The following RASA1 variants were observed in gnomAD, a reference collection of about 807,000 sequenced individuals.
RASA1 encodes the protein ras GTPase-activating protein 1.
In RASA1, 25 loss-of-function variants were observed where a neutral mutation model predicts 132.2. That is an observed-to-expected ratio of 0.19 (90% CI 0.14 to 0.26). RASA1 has a LOEUF of 0.26. Among genes scored for constraint, RASA1 ranks in the 10% least tolerant of loss-of-function variants. The probability of loss-of-function intolerance (pLI) is 1.00; values close to 1 mark genes in which losing one functional copy is unlikely to be tolerated. For synonymous variants in RASA1, 477 were observed against 449.9 expected, an observed-to-expected ratio of 1.06 and a Z score of -0.76; for missense variants, 964 against 1,299.2, an observed-to-expected ratio of 0.74 and a Z score of 3.97.
chr5:87,313,794 TGAGA>T (rs1443511457), intron 1 of RASA1, among the ~76,000 whole-genome samples: 2 of 152,288 alleles, frequency 1.3e-5, no homozygotes, highest in African/African-American at 4.8e-5. Flanking sequence ...CACTGAAGAA[TGAGA>T]GAGATTTCTG....
chr5:87,351,929 A>G (rs1390261261), intron 8 of RASA1, among the ~76,000 whole-genome samples: 2 of 151,784 alleles, frequency 1.3e-5, no homozygotes, highest in African/African-American at 2.4e-5. Context: ...ACTGAGCCCA[A>G]AAACCTTTGA....
intron 1 of RASA1, among the ~76,000 whole-genome samples, chr5:87,298,946 AATTT>A (rs1244877305): frequency 1.3e-5 from 2 of 152,196 alleles, no homozygotes; most frequent in Admixed American, 6.5e-5. Flanking sequence ...ACAGTTAAAT[AATTT>A]GAGAACTTCT....
intron 1 of RASA1, among the ~76,000 whole-genome samples, chr5:87,278,909 C>CTTTTTTTTTTTTTTT (rs58122450): frequency 3.6e-5 from 3 of 83,996 alleles, no homozygotes; most frequent in East Asian, 3.9e-4. Flanking sequence ...CTAATTTGTT[C>CTTTTTTTTTTTTTTT]TTTTTTTTTT....
chr5:87,333,588 A>G (rs1055890718), intron 4 of RASA1, among the ~76,000 whole-genome samples: 1 of 152,216 alleles, frequency 6.6e-6, no homozygotes, highest in Admixed American at 6.5e-5. Flanking sequence ...TGTCTCTCAC[A>G]AAGTAAGGAG....
intron 23 of RASA1, among the ~76,000 whole-genome samples, chr5:87,388,665 T>G (rs956454960): frequency 6.6e-6 from 1 of 152,210 alleles, no homozygotes; most frequent in Non-Finnish European, 1.5e-5. Context: ...TAACACTGAT[T>G]ATTCCCACAC....
chr5:87,336,038 A>G (rs982290306), intron 4 of RASA1, among the ~76,000 whole-genome samples: 2 of 152,200 alleles, frequency 1.3e-5, no homozygotes, highest in African/African-American at 4.8e-5. Flanking sequence ...TCACAACTAC[A>G]TTCTTAGGTG....
At chr5:87,390,701 T>A (rs1580421858) in intron 24 of RASA1, 99 bp from the exon 25 acceptor site, 1 of 921,652 alleles carries the variant, frequency 1.1e-6, no homozygotes, top group Non-Finnish European at 1.8e-6. Flanking sequence ...ATTTTATGCA[T>A]CCTTTTGCTT....
rs562787600 is a variant in RASA1, at chr5:87,337,638, G to T, written c.900-336G>T. Among the ~76,000 whole-genome samples the T allele has an allele frequency of 2.9e-4, 44 of 152,108 alleles. No homozygotes were observed. In the Middle Eastern group the frequency reaches 0.017, roughly 59 times the overall value. On this transcript the variant is annotated intron_variant, in intron 4 of 24. Transcript: ENST00000274376. ...ATAAGTTTTTCAATTCAGTTTTCTT[G>T]TAGTTACACCCCAAAACCTTCAATA...
At position 87,334,964 on chromosome 5, in the gene RASA1, A is replaced by G. The variant is rs764048541; in HGVS notation, c.899+1627A>G. 3.9e-5 allele frequency among the ~76,000 whole-genome samples: 6 copies of G among 152,092 alleles called. No homozygotes were observed. In the South Asian group the frequency reaches 8.3e-4, roughly 21 times the overall value. ...AGTGGCACGATCTTGCCTCACTGCAATCTCCACCTCCTGGGTTCAAGGGAT... is the reference window on the plus strand; with the variant it reads ...AGTGGCACGATCTTGCCTCACTGCAGTCTCCACCTCCTGGGTTCAAGGGAT... On this transcript the variant is annotated intron_variant, in intron 4 of 24. Transcript: ENST00000274376.
At chr5:87,329,645 A>G (rs1220946268) in intron 1 of RASA1, among the ~76,000 whole-genome samples, 1 of 152,182 alleles carries the variant, frequency 6.6e-6, no homozygotes. Flanking sequence ...CATAACAGAA[A>G]TTTAACAAAT....
rs1204463886 is a variant in RASA1, at chr5:87,386,862, A to G, written c.2884A>G (p.Ser962Gly). The change falls in exon 23 of 25, where the codon AGC (serine) becomes GGC (glycine). Residue 962 changes from serine to glycine, a missense_variant. By Grantham distance (56) the Ser-to-Gly change is moderately conservative (BLOSUM62 0). Coordinates refer to ENST00000274376, the MANE Select transcript of RASA1 (RefSeq NM_002890.3). ...GGAAGGTGTCAATCCATTCATCAAA[A>G]GCAACAAACATCGTATGATCATGTT... ...YMEGVNPFIK[S>G]NKHRMIMFLD... The G allele has an allele frequency of 1.9e-6, 3 of 1,612,872 alleles. No homozygotes were observed. Among genetic ancestry groups the G allele is most frequent in the Admixed American group, 1.7e-5 (1 of 59,958 alleles).
chr5:87,298,350 A>C (rs1022101184), intron 1 of RASA1, among the ~76,000 whole-genome samples: 1 of 150,904 alleles, frequency 6.6e-6, no homozygotes. Flanking sequence ...CGGAGCTTGC[A>C]GTGAGCCTAG....
intron 1 of RASA1, 197 bp from the exon 2 acceptor site, chr5:87,331,151 T>C: frequency 2.3e-6 from 2 of 880,514 alleles, no homozygotes; most frequent in Non-Finnish European, 3.6e-6. Flanking sequence ...TTAGAACAAA[T>C]TAAAGACCAA....
At chr5:87,313,572 G>A (rs950823857) in intron 1 of RASA1, among the ~76,000 whole-genome samples, 7 of 152,180 alleles carry the variant, frequency 4.6e-5, no homozygotes, top group African/African-American at 1.7e-4. Flanking sequence ...AAGGCATTGT[G>A]CCATGTGCTA....
chr5:87,305,379 A>G (rs1346081623), intron 1 of RASA1, among the ~76,000 whole-genome samples: 2 of 152,180 alleles, frequency 1.3e-5, no homozygotes, highest in Non-Finnish European at 2.9e-5. Flanking sequence ...GACAAACTTG[A>G]CAAAAACAAG....
At chr5:87,359,135 G>A (rs944729187) in intron 9 of RASA1, among the ~76,000 whole-genome samples, 3 of 152,182 alleles carry the variant, frequency 2.0e-5, no homozygotes, top group African/African-American at 7.2e-5. Flanking sequence ...AACTACAACA[G>A]TGCCTGAGAC....
intron 1 of RASA1, among the ~76,000 whole-genome samples, chr5:87,317,266 CTT>C (rs1042835544): frequency 3.9e-5 from 6 of 152,142 alleles, no homozygotes; most frequent in African/African-American, 1.2e-4. Flanking sequence ...GCGTTCCAGA[CTT>C]TTAATAAATT....
chr5:87,347,388 T>C (rs1032814132), intron 7 of RASA1, among the ~76,000 whole-genome samples: 1 of 152,034 alleles, frequency 6.6e-6, no homozygotes, highest in Non-Finnish European at 1.5e-5. Flanking sequence ...TGTCATTGTT[T>C]ATTCTTACTA....
At position 87,338,050 on chromosome 5, in the gene RASA1, G is replaced by A; in HGVS notation, c.976G>A (p.Asp326Asn). The change falls in exon 5 of 25, where the codon GAT becomes AAT. Residue 326 changes from aspartate (D) to asparagine (N), a missense_variant. Asp to Asn is a conservative substitution (Grantham distance 23, BLOSUM62 1). Coordinates refer to ENST00000274376, the MANE Select transcript of RASA1 (RefSeq NM_002890.3). ...GATGTGGGTTACAAATTTAAGAACA[G>A]ATGAACAAGGCCTTATTGTTGAAGA... is the stretch of plus-strand genomic sequence containing the variant. ...GWMWVTNLRT[D>N]EQGLIVEDLV... The A allele has an allele frequency of 6.2e-7, 1 of 1,612,284 alleles. No individual in the cohort carries two copies. The highest frequency in any genetic ancestry group is 1.1e-5 in the South Asian group (1 of 90,780).
Sources: gnomAD v4.1 joint callset for allele counts (sites outside exome capture counted in the v4.1 genomes callset) on GRCh38, gnomAD v4.1.1 for gene constraint, MANE v1.5 for transcripts, NCBI Gene and HGNC (gene_info 2026-07-23, HGNC 2026-07-21) for gene names.